The following ABHD12 variants were observed in gnomAD, a reference collection of about 807,000 sequenced individuals.
The protein encoded by ABHD12 is lysophosphatidylserine lipase ABHD12.
Under a neutral mutation model 58.3 loss-of-function variants are expected in ABHD12, and 43 were observed. The observed-to-expected ratio is 0.74, with a 90% CI of 0.58 to 0.95. The LOEUF (loss-of-function observed/expected upper bound fraction) is 0.95. Among genes scored for constraint, ABHD12 ranks in the 40% least tolerant of loss-of-function variants. The pLI is 0.00. For missense variants in ABHD12, 539 were observed against 537.2 expected (o/e 1.00, Z -0.03); for synonymous variants, 219 against 211.2 (o/e 1.04, Z -0.32).
At chr20:25,294,795 G>A (rs753653587) in exon 13 of ABHD12, 2 of 715,526 alleles carry the variant, frequency 2.8e-6, no homozygotes, top group South Asian at 1.5e-5. Context: ...CACATGGTAT[G>A]GTTTATCTAG....
At chr20:25,326,725 G>C (rs2145990730) in intron 2 of ABHD12, among the ~76,000 whole-genome samples, 1 of 139,430 alleles carries the variant, frequency 7.2e-6, no homozygotes, top group African/African-American at 2.7e-5. Flanking sequence ...ACTGGAGAGA[G>C]AAAAATTATG....
chr20:25,385,515 G>A (rs1051135738), intron 1 of ABHD12, among the ~76,000 whole-genome samples: 3 of 151,930 alleles, frequency 2.0e-5, no homozygotes, highest in Admixed American at 6.6e-5. Context: ...CTAAACAGAC[G>A]TAGAAGACAC....
rs998167982 is a variant in ABHD12, at chr20:25,300,655, T to C, written c.*190A>G. 1.0e-5 allele frequency: 15 copies of C among 1,496,474 alleles called. No homozygotes were observed. The highest frequency in any genetic ancestry group is 4.2e-5 in the Admixed American group (2 of 47,750). The allele number at this position is 1,496,474 out of a possible 1,614,324, so 92.7% of individuals were successfully genotyped here. The stretch of plus-strand genomic sequence containing the variant: ...GCCACCCACGCTTTCCACACAGCCA[T>C]GCTCAGGCCTCCGGGCACTGCAGGC... On this transcript the variant is annotated 3_prime_UTR_variant, in exon 13 of 13. Transcript: ENST00000339157.
In ABHD12 at chr20:25,379,110, C is replaced by A. The variant is rs147923948; in HGVS notation, c.191+11403G>T. Among the ~76,000 whole-genome samples the A allele has an allele frequency of 2.5e-3, 387 of 152,314 alleles. 3 individuals carry two copies. The highest frequency in any genetic ancestry group is 8.9e-3 in the African/African-American group (369 of 41,566). On this transcript the variant is annotated intron_variant, in intron 1 of 12. Coordinates refer to ENST00000339157, the MANE Select transcript of ABHD12 (RefSeq NM_001042472.3). ...ACCTTTCGCCCACCTTCGTCTCAAA[C>A]CCAGCCCTGAGACCCTCCATGCTGG... is the stretch of plus-strand genomic sequence containing the variant.
chr20:25,355,849 G>A (rs1020724263), intron 1 of ABHD12, among the ~76,000 whole-genome samples: 2 of 131,060 alleles, frequency 1.5e-5, no homozygotes, highest in African/African-American at 5.9e-5. Flanking sequence ...GAGCCACTGC[G>A]CCCAGCCCAT....
intron 12 of ABHD12, chr20:25,295,098 A>G: frequency 6.8e-7 from 1 of 1,480,774 alleles, no homozygotes; most frequent in Non-Finnish European, 9.4e-7. Flanking sequence ...CTGACTCGAT[A>G]GTGAACAGAA....
At position 25,342,989 on chromosome 20, in the gene ABHD12, C is replaced by A. The variant is rs530990134; in HGVS notation, c.192-3638G>T. Among the ~76,000 whole-genome samples, 4 of 152,208 alleles carry A rather than the reference C, an allele frequency of 2.6e-5. No homozygotes were observed. In the South Asian group the frequency reaches 6.2e-4, roughly 24 times the overall value. On this transcript the variant is annotated intron_variant, in intron 1 of 12. Transcript: ENST00000339157. ...TTTAAATTTTTCGTAGGGACAGTGTCTCCCTATGTTGCCCAGGCTGGTCTC... is the reference window on the plus strand; with the variant it reads ...TTTAAATTTTTCGTAGGGACAGTGTATCCCTATGTTGCCCAGGCTGGTCTC...
intron 1 of ABHD12, among the ~76,000 whole-genome samples, chr20:25,364,653 T>A (rs1482924862): frequency 6.6e-6 from 1 of 152,246 alleles, no homozygotes; most frequent in Admixed American, 6.5e-5. Flanking sequence ...CCTAACGGCC[T>A]ACAGAGCTAT....
intron 1 of ABHD12, among the ~76,000 whole-genome samples, chr20:25,382,968 C>T (rs2090040286): frequency 6.6e-6 from 1 of 152,258 alleles, no homozygotes; most frequent in East Asian, 1.9e-4. Context: ...GCGCCATAAA[C>T]AAAGCCAGCC....
At chr20:25,387,786 T>C (rs1052516331) in intron 1 of ABHD12, among the ~76,000 whole-genome samples, 2 of 151,028 alleles carry the variant, frequency 1.3e-5, no homozygotes, top group Non-Finnish European at 2.9e-5. Flanking sequence ...CTCACGCCTG[T>C]AATCCCAGCA....
intron 1 of ABHD12, among the ~76,000 whole-genome samples, chr20:25,384,720 G>A (rs531699778): frequency 9.2e-5 from 14 of 152,266 alleles, no homozygotes; most frequent in African/African-American, 2.4e-4. Flanking sequence ...ACTCCAGTCC[G>A]GGTGTAGAGC....
At chr20:25,313,358 CT>C (rs2088898934) in intron 6 of ABHD12, among the ~76,000 whole-genome samples, 1 of 152,054 alleles carries the variant, frequency 6.6e-6, no homozygotes, top group African/African-American at 2.4e-5. Context: ...GCAAGATGTG[CT>C]TTGTTAAACA....
At position 25,374,229 on chromosome 20, in the gene ABHD12, G is replaced by A. The variant is rs141049241; in HGVS notation, c.191+16284C>T. Reference sequence around the variant, plus strand: ...GTGTGCTGGGATTACACACATGGTCGGAGTACAGGTGTGTGCCACCACACC... The same window carrying A: ...GTGTGCTGGGATTACACACATGGTCAGAGTACAGGTGTGTGCCACCACACC... On this transcript the variant is annotated intron_variant, in intron 1 of 12. Transcript: ENST00000339157. Among the ~76,000 whole-genome samples, 338 of 152,102 alleles carry A rather than the reference G, an allele frequency of 2.2e-3. 8 individuals are homozygous for A. In the East Asian group the frequency reaches 0.057, roughly 26 times the overall value.
chr20:25,345,268 G>C (rs1010156242), intron 1 of ABHD12, among the ~76,000 whole-genome samples: 1 of 152,068 alleles, frequency 6.6e-6, no homozygotes, highest in Non-Finnish European at 1.5e-5. Flanking sequence ...TGTATTTTTA[G>C]TAGAGACGGG....
At chr20:25,308,151 C>T in intron 8 of ABHD12, 106 bp from the exon 9 acceptor site, 4 of 851,018 alleles carry the variant, frequency 4.7e-6, no homozygotes, top group Non-Finnish European at 8.0e-6. Context: ...GACCACAGCG[C>T]CTCCCACCAG....
At chr20:25,334,011 T>C (rs1459100278) in intron 2 of ABHD12, among the ~76,000 whole-genome samples, 5 of 152,250 alleles carry the variant, frequency 3.3e-5, no homozygotes, top group Admixed American at 6.5e-5. Flanking sequence ...AAAGAGGAAG[T>C]CAAATTGTCC....
At chr20:25,323,279 G>A (rs369208613) in intron 3 of ABHD12, 46 bp downstream of exon 3, 17 of 1,205,428 alleles carry the variant, frequency 1.4e-5, no homozygotes, top group Non-Finnish European at 2.0e-5. Flanking sequence ...GTCATGTAGG[G>A]TCCTTTCCTG....
At chr20:25,318,268 T>C (rs1391295191) in intron 4 of ABHD12, among the ~76,000 whole-genome samples, 5 of 152,028 alleles carry the variant, frequency 3.3e-5, no homozygotes, top group East Asian at 3.8e-4. Context: ...TGAGTCAGGA[T>C]TGTGCCACTG....
In ABHD12 at chr20:25,307,997, C is replaced by A; in HGVS notation, c.836G>T (p.Arg279Leu). 6.2e-7 allele frequency: 1 copy of A among 1,609,182 alleles called. No homozygotes were observed. Among genetic ancestry groups the A allele is most frequent in the South Asian group, 1.1e-5 (1 of 90,978 alleles). ...LILESPFTNI[R>L]EEAKSHPFSV... ...AAATGGATGGCTCTTAGCTTCTTCGCGGATATTAGTGAATGGAGATTCCAA... is the reference window on the plus strand; with the variant it reads ...AAATGGATGGCTCTTAGCTTCTTCGAGGATATTAGTGAATGGAGATTCCAA... The change falls in exon 9 of 13, where the codon CGC becomes CTC. Residue 279 changes from arginine to leucine, a missense_variant. Physicochemically the swap from Arg to Leu is moderately radical, Grantham distance 102. Coordinates refer to ENST00000339157, the MANE Select transcript of ABHD12 (RefSeq NM_001042472.3).
Sources: gnomAD v4.1 joint callset for allele counts (sites outside exome capture counted in the v4.1 genomes callset) on GRCh38, gnomAD v4.1.1 for gene constraint, MANE v1.5 for transcripts, NCBI Gene and HGNC (gene_info 2026-07-23, HGNC 2026-07-21) for gene names.